Variants in CHRNA7 observed in about 807,000 individuals in gnomAD.
The protein encoded by CHRNA7 is neuronal acetylcholine receptor subunit alpha-7.
Under a neutral mutation model 48.0 loss-of-function variants are expected in CHRNA7, and 17 were observed. That is an observed-to-expected ratio of 0.35 (90% CI 0.24 to 0.53). The LOEUF is 0.53. Ranked by LOEUF, CHRNA7 falls within the 20% of genes least tolerant of loss-of-function variation. CHRNA7 has a pLI of 0.92. For missense variants in CHRNA7, 155 were observed against 577.7 expected, an observed-to-expected ratio of 0.27 and a Z score of 7.50; for synonymous variants, 75 against 242.3, an observed-to-expected ratio of 0.31 and a Z score of 6.41.
chr15:32,112,367 A>G (rs2050776743), intron 4 of CHRNA7: 1 of 457,098 alleles, frequency 2.2e-6, no homozygotes, highest in Non-Finnish European at 4.4e-6. Flanking sequence ...GCTGCAGGTG[A>G]GCGTGAGGAC....
intron 2 of CHRNA7, among the ~76,000 whole-genome samples, chr15:32,050,812 A>T (rs1226921602): frequency 6.6e-6 from 1 of 152,150 alleles, no homozygotes; most frequent in Non-Finnish European, 1.5e-5. Flanking sequence ...GGTGATGCAC[A>T]GATGGGTTTT....
intron 2 of CHRNA7, among the ~76,000 whole-genome samples, chr15:32,068,759 T>C (rs1595409239): frequency 6.6e-6 from 1 of 150,632 alleles, no homozygotes; most frequent in African/African-American, 2.4e-5. Context: ...TACTACAGAC[T>C]AAAAAGAGCA....
At chr15:32,138,632 T>C (rs1173551286) in intron 4 of CHRNA7, among the ~76,000 whole-genome samples, 2 of 152,178 alleles carry the variant, frequency 1.3e-5, no homozygotes, top group Admixed American at 6.5e-5. Context: ...TCGACCATTA[T>C]AGTATCATTC....
chr15:32,101,167 T>C, intron 2 of CHRNA7, 136 bp from the exon 3 acceptor site: 1 of 809,432 alleles, frequency 1.2e-6, no homozygotes, highest in Non-Finnish European at 2.0e-6. Flanking sequence ...CTTGCATATA[T>C]TGGAAGTGCT....
At chr15:32,109,102 T>A (rs907653770) in intron 3 of CHRNA7, among the ~76,000 whole-genome samples, 1 of 152,198 alleles carries the variant, frequency 6.6e-6, no homozygotes, top group Non-Finnish European at 1.5e-5. Flanking sequence ...AGTAGAGGAA[T>A]AAAAGAATGG....
chr15:32,043,201 C>T (rs1447345843), intron 2 of CHRNA7, among the ~76,000 whole-genome samples: 1 of 151,612 alleles, frequency 6.6e-6, no homozygotes, highest in Non-Finnish European at 1.5e-5. Flanking sequence ...TAACTCTTAC[C>T]ATCACTGCAT....
chr15:32,136,008 A>G (rs1163218739), intron 4 of CHRNA7, among the ~76,000 whole-genome samples: 1 of 152,214 alleles, frequency 6.6e-6, no homozygotes, highest in Non-Finnish European at 1.5e-5. Context: ...GGCAAAATCA[A>G]GACATTCTCG....
At chr15:32,142,387 TG>T (rs1278598051) in intron 4 of CHRNA7, among the ~76,000 whole-genome samples, 1 of 152,196 alleles carries the variant, frequency 6.6e-6, no homozygotes, top group Non-Finnish European at 1.5e-5. Flanking sequence ...TTCTCTTTTT[TG>T]GTTGTGTCTC....
At chr15:32,082,588 G>A (rs1376156049) in intron 2 of CHRNA7, among the ~76,000 whole-genome samples, 1 of 152,078 alleles carries the variant, frequency 6.6e-6, no homozygotes, top group African/African-American at 2.4e-5. Context: ...TCTTTCAACA[G>A]TTGGATAATG....
At chr15:32,127,803 GTTC>G (rs1011716362) in intron 4 of CHRNA7, among the ~76,000 whole-genome samples, 1 of 152,014 alleles carries the variant, frequency 6.6e-6, no homozygotes, top group Non-Finnish European at 1.5e-5. Flanking sequence ...GAGTAAACAT[GTTC>G]TTTTTAAAAA....
intron 2 of CHRNA7, among the ~76,000 whole-genome samples, chr15:32,080,618 G>A (rs2050201487): frequency 6.6e-6 from 1 of 152,104 alleles, no homozygotes; most frequent in South Asian, 2.1e-4. Flanking sequence ...AGTCAGAATG[G>A]CGATTATTAA....
chr15:32,030,983 C>T lies in CHRNA7; in HGVS notation c.141C>T (p.Asp47=). The change falls in exon 2 of 10, where the codon GAC becomes GAT. Residue 47 remains aspartate, a synonymous_variant. Coordinates refer to ENST00000306901, the MANE Select transcript of CHRNA7 (RefSeq NM_000746.6). ...CCTTGGAGAGGCCCGTGGCCAATGA[C>T]TCGCAACCACTCACCGTCTACTTCT... ...YNPLERPVAN[D]SQPLTVYFSL... is the part of the protein sequence containing the mutation. The T allele has an allele frequency of 3.7e-6, 6 of 1,614,226 alleles. No individual in the cohort carries two copies. Among genetic ancestry groups the T allele is most frequent in the Non-Finnish European group, 5.1e-6 (6 of 1,180,024 alleles).
In CHRNA7 at chr15:32,114,059, T is replaced by TAC. The variant is rs1555383693; in HGVS notation, c.350+2162_350+2163dup. ...ATATATATATGTATATATATATATA[T>TAC]ACATATATATATATATACACATACA... On this transcript the variant is annotated intron_variant, in intron 4 of 9. Coordinates refer to ENST00000306901, the MANE Select transcript of CHRNA7 (RefSeq NM_000746.6). 7.8e-5 allele frequency among the ~76,000 whole-genome samples: 3 copies of TAC among 38,356 alleles called. No homozygotes were observed. The South Asian group carries it at 3.8e-3, about 49-fold the overall frequency. The allele number at this position is 38,356 out of a possible 152,430, so 25.2% of individuals were successfully genotyped here.
intron 2 of CHRNA7, among the ~76,000 whole-genome samples, chr15:32,055,577 G>A (rs1236648557): frequency 1.3e-5 from 2 of 152,186 alleles, no homozygotes; most frequent in African/African-American, 2.4e-5. Flanking sequence ...AGTCCATTCA[G>A]GAGGGTGGGG....
intron 7 of CHRNA7, chr15:32,158,985 G>A (rs2051838838): frequency 4.1e-6 from 1 of 244,080 alleles, no homozygotes. Context: ...GTATGTTACA[G>A]TACCCAGTGT....
intron 2 of CHRNA7, among the ~76,000 whole-genome samples, chr15:32,094,479 A>G (rs1316025762): frequency 2.0e-5 from 3 of 152,186 alleles, no homozygotes; most frequent in Non-Finnish European, 2.9e-5. Flanking sequence ...GTTAAATTAG[A>G]AACAGAAAAC....
At chr15:32,098,903 C>CACACAT (rs2050521529) in intron 2 of CHRNA7, 1 of 154,672 alleles carries the variant, frequency 6.5e-6, no homozygotes, top group Non-Finnish European at 1.4e-5. Flanking sequence ...CACACACACA[C>CACACAT]ACACACTTTT....
chr15:32,122,930 G>C (rs1303850563), intron 4 of CHRNA7, among the ~76,000 whole-genome samples: 2 of 150,514 alleles, frequency 1.3e-5, no homozygotes, highest in Admixed American at 6.6e-5. Flanking sequence ...CAGTAGCCTA[G>C]TAGAGGACTA....
At chr15:32,095,335 C>G (rs8028307) in intron 2 of CHRNA7, among the ~76,000 whole-genome samples, 150,424 of 152,332 alleles carry the variant, frequency 0.99, 74,303 homozygotes, top group South Asian at 1. Flanking sequence ...ATTGAAGATC[C>G]TCTAAGTTTT....
Sources: gnomAD v4.1 joint callset for allele counts (sites outside exome capture counted in the v4.1 genomes callset) on GRCh38, gnomAD v4.1.1 for gene constraint, MANE v1.5 for transcripts, NCBI Gene and HGNC (gene_info 2026-07-23, HGNC 2026-07-21) for gene names.